The following LGMN variants were observed in gnomAD, a reference collection of about 807,000 sequenced individuals.
LGMN encodes asparaginyl endopeptidase.
Under a neutral mutation model 56.8 loss-of-function variants are expected in LGMN, and 36 were observed. That is an observed-to-expected ratio of 0.63 (90% CI 0.49 to 0.84). LGMN has a LOEUF of 0.84. Ranked by LOEUF, LGMN falls within the 40% of genes least tolerant of loss-of-function variation. The pLI is 0.00. For missense variants in LGMN, 446 were observed against 556.1 expected (o/e 0.80, Z 1.99); for synonymous variants, 199 against 210.1 (o/e 0.95, Z 0.46).
At chr14:92,713,176 G>A (rs1300512114) in intron 7 of LGMN, among the ~76,000 whole-genome samples, 2 of 152,202 alleles carry the variant, frequency 1.3e-5, no homozygotes, top group African/African-American at 4.8e-5. Context: ...AGACCATACA[G>A]TGCAGCAGGC....
intron 1 of LGMN, among the ~76,000 whole-genome samples, chr14:92,740,692 GC>G (rs1311057093): frequency 2.0e-5 from 3 of 152,178 alleles, no homozygotes; most frequent in African/African-American, 7.2e-5. Context: ...CTATTTTAAG[GC>G]ACTGGTGGGC....
At chr14:92,712,104 G>A in intron 8 of LGMN, 149 bp from the exon 9 acceptor site, 1 of 640,672 alleles carries the variant, frequency 1.6e-6, no homozygotes, top group Non-Finnish European at 2.8e-6. Context: ...ACTATACCCA[G>A]ACTTGTGTAT....
At chr14:92,719,287 G>GCCA (rs71123371) in intron 2 of LGMN, among the ~76,000 whole-genome samples, 16 of 59,818 alleles carry the variant, frequency 2.7e-4, no homozygotes, top group African/African-American at 1.4e-3. Context: ...CACCGCCGCC[G>GCCA]CCGCCGCCGC....
At chr14:92,716,247 A>G (rs1159166811) in intron 4 of LGMN, 26 bp from the exon 5 acceptor site, 1 of 1,533,298 alleles carries the variant, frequency 6.5e-7, no homozygotes, top group African/African-American at 1.4e-5. Flanking sequence ...AGCCACAATC[A>G]GATGCAGCTG....
At chr14:92,720,610 T>C (rs543844092) in intron 2 of LGMN, among the ~76,000 whole-genome samples, 4 of 152,308 alleles carry the variant, frequency 2.6e-5, no homozygotes, top group East Asian at 3.9e-4. Context: ...GCGGTTGCAG[T>C]GAGCCGAGAT....
At chr14:92,710,170 A>G (rs376478337) in intron 10 of LGMN, among the ~76,000 whole-genome samples, 1 of 152,224 alleles carries the variant, frequency 6.6e-6, no homozygotes. Context: ...CAGAACTGCT[A>G]TTCTTTCACC....
Position 92,732,693 on chromosome 14 carries a change from C to A in LGMN, c.94G>T (p.Val32Leu). Residue 32 changes from valine to leucine, a missense_variant, in exon 2 of 14, where the codon GTG (valine) becomes TTG (leucine). Physicochemically the swap from Val to Leu is conservative, Grantham distance 32 (BLOSUM62 1). Transcript: ENST00000334869. ...DPEDGGKHWV[V>L]IVAGSNGWYN... is the part of the protein sequence containing the mutation. ...CAGCCATTTGAACCTGCCACGATCA[C>A]CACCCAGTGCTTGCCTCCATCTTCA... 6.2e-7 allele frequency: 1 copy of A among 1,614,198 alleles called. No homozygotes were observed. The highest frequency in any genetic ancestry group is 8.5e-7 in the Non-Finnish European group (1 of 1,180,028).
In LGMN at chr14:92,709,882, C is replaced by G. The variant is rs767168500; in HGVS notation, c.820-10G>C. The G allele has an allele frequency of 1.3e-6, 2 of 1,591,598 alleles. No individual in the cohort carries two copies. Among genetic ancestry groups the G allele is most frequent in the African/African-American group, 2.7e-5 (2 of 74,498 alleles). Reference sequence around the variant, plus strand: ...TCATGGTGGAGATTGTCTGGGGAGACAGACAGCAAGAGAGAGCGAGAGAGA... The same window carrying G: ...TCATGGTGGAGATTGTCTGGGGAGAGAGACAGCAAGAGAGAGCGAGAGAGA... On this transcript the variant is annotated splice_polypyrimidine_tract_variant and intron_variant, in intron 10 of 13. Transcript: ENST00000334869.
rs939869939 is a variant in LGMN at position 92,712,791 on chromosome 14, C to T, written c.610+14G>A. 1.2e-6 allele frequency: 2 copies of T among 1,612,922 alleles called. No homozygotes were observed. Among genetic ancestry groups the T allele is most frequent in the Non-Finnish European group, 1.7e-6 (2 of 1,179,580 alleles). ...TTGCCAGCCCAGGTCGAGGCCGGCGCCCCAACCACCTACCATTGATGTTAT... is the reference window on the plus strand; with the variant it reads ...TTGCCAGCCCAGGTCGAGGCCGGCGTCCCAACCACCTACCATTGATGTTAT... On this transcript the variant is annotated intron_variant, in intron 8 of 13. Transcript: ENST00000334869.
intron 1 of LGMN, among the ~76,000 whole-genome samples, chr14:92,734,809 G>A (rs948648867): frequency 6.6e-6 from 1 of 152,170 alleles, no homozygotes; most frequent in African/African-American, 2.4e-5. Context: ...GGGGACTCAG[G>A]GCGGCAGATG....
chr14:92,740,781 C>T (rs1218590897), intron 1 of LGMN, among the ~76,000 whole-genome samples: 1 of 152,220 alleles, frequency 6.6e-6, no homozygotes, highest in African/African-American at 2.4e-5. Flanking sequence ...AGTCAATGAA[C>T]AAGCCTTTAC....
At chr14:92,707,208 A>G (rs1889479414) in intron 11 of LGMN, among the ~76,000 whole-genome samples, 2 of 151,660 alleles carry the variant, frequency 1.3e-5, no homozygotes, top group South Asian at 4.2e-4. Flanking sequence ...CCTGGGCAAC[A>G]CAGGAAGACC....
At chr14:92,744,594 G>GTTTT (rs1157955787) in intron 1 of LGMN, among the ~76,000 whole-genome samples, 1 of 128,228 alleles carries the variant, frequency 7.8e-6, no homozygotes, top group African/African-American at 3.0e-5. Context: ...TTATCCTTTA[G>GTTTT]TTTTTTTTTT....
Position 92,715,221 on chromosome 14 carries a change from G to GTC in LGMN, c.405-771_405-770insGA, listed in dbSNP as rs1247944549. On this transcript the variant is annotated intron_variant, in intron 5 of 13. Transcript: ENST00000334869. ...ACACTGTTGGTCAGGGTGGGTGTGTGTGTGTGTGTGTGTTTGAGACAGAGT... is the reference window on the plus strand; with the variant it reads ...ACACTGTTGGTCAGGGTGGGTGTGTGTCTGTGTGTGTGTGTTTGAGACAGAGT... Among the ~76,000 whole-genome samples the GTC allele has an allele frequency of 3.9e-4, 59 of 150,864 alleles. 1 individual carries two copies. The highest frequency in any genetic ancestry group is 1.4e-3 in the African/African-American group (58 of 41,032).
chr14:92,741,478 T>C (rs1166969234), intron 1 of LGMN: 1 of 152,174 alleles, frequency 6.6e-6, no homozygotes, highest in East Asian at 1.9e-4. Context: ...AGCAGCTAGT[T>C]AGACAATGAA....
At chr14:92,709,992 C>T (rs909110918) in intron 10 of LGMN, 120 bp from the exon 11 acceptor site, 18 of 725,650 alleles carry the variant, frequency 2.5e-5, no homozygotes, top group Admixed American at 1.5e-4. Context: ...CCCAACATAC[C>T]CCAAGTCCAG....
At position 92,704,678 on chromosome 14, in the gene LGMN, C is replaced by A. The variant is rs776763949; in HGVS notation, c.1221G>T (p.Val407=). ...ACGGCTTCTCACAAAGGTTGACCAGCACGTACAAATGTCTCAACGCATACT... is the reference window on the plus strand; with the variant it reads ...ACGGCTTCTCACAAAGGTTGACCAGAACGTACAAATGTCTCAACGCATACT... The part of the protein sequence containing the change: ...TYEYALRHLY[V]LVNLCEKPYP... Residue 407 remains valine (V), a synonymous_variant, in exon 13 of 14, where the codon GTG becomes GTT. Coordinates refer to ENST00000334869, the MANE Select transcript of LGMN (RefSeq NM_005606.7). 1 of 1,613,718 alleles carries A rather than the reference C, an allele frequency of 6.2e-7. No homozygotes were observed. The highest frequency in any genetic ancestry group is 1.3e-5 in the African/African-American group (1 of 75,044).
chr14:92,731,140 G>A (rs1445204192), intron 2 of LGMN, among the ~76,000 whole-genome samples: 1 of 152,090 alleles, frequency 6.6e-6, no homozygotes, highest in Admixed American at 6.6e-5. Context: ...TCGTAAAGAG[G>A]GAGTAAGAAC....
intron 7 of LGMN, 59 bp from the exon 8 acceptor site, chr14:92,712,930 C>A: frequency 6.7e-7 from 1 of 1,482,126 alleles, no homozygotes; most frequent in Admixed American, 1.8e-5. Flanking sequence ...TCCAGCCATG[C>A]TACTGGAGCT....
Sources: gnomAD v4.1 joint callset for allele counts (sites outside exome capture counted in the v4.1 genomes callset) on GRCh38, gnomAD v4.1.1 for gene constraint, MANE v1.5 for transcripts, NCBI Gene and HGNC (gene_info 2026-07-23, HGNC 2026-07-21) for gene names.